Variants in HYCC2 observed in about 807,000 individuals in gnomAD.
HYCC2 encodes hyccin PI4KA lipid kinase complex subunit 2.
the HYCC2 span, among the ~76,000 whole-genome samples, chr2:201,038,385 A>G: frequency 6.6e-6 from 1 of 152,156 alleles, no homozygotes; most frequent in African/African-American, 2.4e-5. Context: ...CAGCCATCCT[A>G]TTGCTGGGTA....
the HYCC2 span, chr2:200,982,018 GGA>G: frequency 1.2e-6 from 1 of 816,470 alleles, no homozygotes; most frequent in Non-Finnish European, 1.9e-6. Flanking sequence ...ATAATTTAGG[GGA>G]AATCTTAATC....
At chr2:201,025,619 G>A in the HYCC2 span, among the ~76,000 whole-genome samples, 1 of 152,146 alleles carries the variant, frequency 6.6e-6, no homozygotes, top group Non-Finnish European at 1.5e-5. Flanking sequence ...AACATTCTAG[G>A]AAGAGGGAAC....
At chr2:201,056,901 GCTGT>G in the HYCC2 span, among the ~76,000 whole-genome samples, 2 of 152,250 alleles carry the variant, frequency 1.3e-5, no homozygotes, top group East Asian at 1.9e-4. Flanking sequence ...ATTGTGAAAG[GCTGT>G]CTTTTACATG....
chr2:201,018,311 CAAG>C, the HYCC2 span, among the ~76,000 whole-genome samples: 2 of 151,680 alleles, frequency 1.3e-5, no homozygotes, highest in South Asian at 4.2e-4. Flanking sequence ...AAAATATTGA[CAAG>C]AAACTATAAA....
At chr2:201,031,280 G>A in the HYCC2 span, among the ~76,000 whole-genome samples, 384 of 152,064 alleles carry the variant, frequency 2.5e-3, no homozygotes, top group Admixed American at 5.0e-3. Context: ...TAATATATAA[G>A]ACTTTTAAAA....
chr2:201,016,954 A>T, the HYCC2 span: 15 of 1,590,554 alleles, frequency 9.4e-6, no homozygotes, highest in African/African-American at 2.7e-5. Context: ...ACCTTAAAAA[A>T]TACTTAAAAT....
the HYCC2 span, among the ~76,000 whole-genome samples, chr2:201,052,920 G>A: frequency 6.6e-6 from 1 of 152,286 alleles, no homozygotes; most frequent in East Asian, 1.9e-4. Context: ...CTGTGTGTGT[G>A]AGGAAACTAC....
chr2:200,998,507 C>T, the HYCC2 span, among the ~76,000 whole-genome samples: 1 of 152,180 alleles, frequency 6.6e-6, no homozygotes, highest in African/African-American at 2.4e-5. Context: ...GTCTCTTTCA[C>T]CCGTTTAGTA....
At chr2:201,056,529 C>T in the HYCC2 span, among the ~76,000 whole-genome samples, 1 of 151,890 alleles carries the variant, frequency 6.6e-6, no homozygotes, top group Non-Finnish European at 1.5e-5. Context: ...ACAAAATTAG[C>T]CAGGCGTGGT....
chr2:200,984,690 G>A, the HYCC2 span, among the ~76,000 whole-genome samples: 1 of 152,204 alleles, frequency 6.6e-6, no homozygotes, highest in Non-Finnish European at 1.5e-5. Context: ...TTTGAGACCA[G>A]CCTGGGCAAA....
chr2:201,005,677 TAGGG>T, the HYCC2 span, among the ~76,000 whole-genome samples: 2 of 152,132 alleles, frequency 1.3e-5, no homozygotes, highest in Non-Finnish European at 1.5e-5. Context: ...AGTGAATTGA[TAGGG>T]AGGCACTTGC....
the HYCC2 span, among the ~76,000 whole-genome samples, chr2:201,000,360 G>A: frequency 6.6e-6 from 1 of 152,072 alleles, no homozygotes; most frequent in Non-Finnish European, 1.5e-5. Flanking sequence ...CTGCACACCA[G>A]CCTGGGCAAC....
chr2:201,057,556 A>G, the HYCC2 span, among the ~76,000 whole-genome samples: 1 of 152,244 alleles, frequency 6.6e-6, no homozygotes, highest in Non-Finnish European at 1.5e-5. Flanking sequence ...TTACCACTAC[A>G]TAACCAAGTA....
the HYCC2 span, among the ~76,000 whole-genome samples, chr2:200,995,262 T>A: frequency 6.6e-6 from 1 of 152,094 alleles, no homozygotes; most frequent in African/African-American, 2.4e-5. Context: ...TGGGCAAAAT[T>A]AATAAGTTTT....
the HYCC2 span, among the ~76,000 whole-genome samples, chr2:201,033,196 T>TGTGTGTGAGA: frequency 2.3e-4 from 24 of 106,254 alleles, no homozygotes; most frequent in Middle Eastern, 5.4e-3. Context: ...TGTGTGTGTG[T>TGTGTGTGAGA]GAGAGAGAGA....
At chr2:201,028,547 T>C in the HYCC2 span, among the ~76,000 whole-genome samples, 4 of 152,168 alleles carry the variant, frequency 2.6e-5, no homozygotes, top group African/African-American at 4.8e-5. Flanking sequence ...GGCATCACAC[T>C]ACCTGACTTC....
At chr2:201,022,589 G>C in the HYCC2 span, 8 of 321,418 alleles carry the variant, frequency 2.5e-5, no homozygotes, top group Admixed American at 4.7e-5. Context: ...CTGAGATGAT[G>C]GTCAATAAAA....
the HYCC2 span, chr2:201,022,591 T>C: frequency 1.2e-5 from 4 of 321,592 alleles, no homozygotes; most frequent in African/African-American, 6.6e-5. Flanking sequence ...GAGATGATGG[T>C]CAATAAAATT....
At chr2:201,017,149 G>A in the HYCC2 span, 1 of 1,613,092 alleles carries the variant, frequency 6.2e-7, no homozygotes. Flanking sequence ...TCAAACAGCT[G>A]ATGGCAGACA....
Sources: gnomAD v4.1 joint callset for allele counts (sites outside exome capture counted in the v4.1 genomes callset) on GRCh38, gnomAD v4.1.1 for gene constraint, MANE v1.5 for transcripts, NCBI Gene and HGNC (gene_info 2026-07-23, HGNC 2026-07-21) for gene names.